KIAA1549: variants seen among roughly 807,000 people sequenced by gnomAD.
The protein encoded by KIAA1549 is KIAA1549, also known as UPF0606 protein KIAA1549.
A neutral mutation model predicts 156.4 loss-of-function variants in KIAA1549; 70 were observed. That is an observed-to-expected ratio of 0.45 (90% CI 0.37 to 0.55). The LOEUF is 0.55. Ranked by LOEUF, KIAA1549 falls within the 20% of genes least tolerant of loss-of-function variation. The pLI, the probability that KIAA1549 is intolerant of heterozygous loss-of-function variation, is 0.00. For synonymous variants in KIAA1549, 1,103 were observed against 1,066.4 expected, an observed-to-expected ratio of 1.03 and a Z score of -0.67; for missense variants, 2,428 against 2,540.9, an observed-to-expected ratio of 0.96 and a Z score of 0.96.
chr7:138,885,065 C>T (rs763821836), intron 10 of KIAA1549, among the ~76,000 whole-genome samples: 4 of 152,042 alleles, frequency 2.6e-5, no homozygotes, highest in Non-Finnish European at 5.9e-5. Flanking sequence ...CGTGGTGGCA[C>T]GTGCCTGTAA....
intron 1 of KIAA1549, among the ~76,000 whole-genome samples, chr7:138,959,744 T>C (rs1255707519): frequency 6.6e-6 from 1 of 152,238 alleles, no homozygotes; most frequent in Non-Finnish European, 1.5e-5. Flanking sequence ...GAGGTGTAAC[T>C]TGATACATTC....
chr7:138,956,684 T>C (rs1324843286), intron 1 of KIAA1549, among the ~76,000 whole-genome samples: 3 of 152,188 alleles, frequency 2.0e-5, no homozygotes, highest in African/African-American at 4.8e-5. Context: ...GTGAGTCCAT[T>C]AAACCTCTTT....
Position 138,869,759 on chromosome 7 carries a change from A to T in KIAA1549, c.4554T>A (p.Ile1518=), listed in dbSNP as rs368931433. 1 of 1,607,966 alleles carries T rather than the reference A, an allele frequency of 6.2e-7. No homozygotes were observed. Among genetic ancestry groups the T allele is most frequent in the Non-Finnish European group, 8.5e-7 (1 of 1,178,516 alleles). Reference sequence around the variant, plus strand: ...CAGACTTGTGCCGCAGCGCGGTCTGAATCTGAGGAAGGGTGAGGGAGAGAA... The same window carrying T: ...CAGACTTGTGCCGCAGCGCGGTCTGTATCTGAGGAAGGGTGAGGGAGAGAA... ...VAESNKINKE[I]QTALRHKSEI... The change falls in exon 14 of 20, where the codon ATT becomes ATA. Residue 1518 remains isoleucine (I), a splice_region_variant and synonymous_variant. Coordinates refer to ENST00000422774, the MANE Select transcript of KIAA1549 (RefSeq NM_001164665.2).
At chr7:138,966,405 C>A (rs1278766056) in intron 1 of KIAA1549, among the ~76,000 whole-genome samples, 1 of 151,626 alleles carries the variant, frequency 6.6e-6, no homozygotes, top group Non-Finnish European at 1.5e-5. Flanking sequence ...TATATATATA[C>A]ACACAGAGGA....
In KIAA1549 at chr7:138,921,939, G is replaced by A. The variant is rs77152683; in HGVS notation, c.188-2501C>T. On this transcript the variant is annotated intron_variant, in intron 1 of 19. Coordinates refer to ENST00000422774, the MANE Select transcript of KIAA1549 (RefSeq NM_001164665.2). Reference sequence around the variant, plus strand: ...CAGAAGGAGAACACCATGTGAAGATGAAGGCAGAGAGCATGATGATGCGTC... The same window carrying A: ...CAGAAGGAGAACACCATGTGAAGATAAAGGCAGAGAGCATGATGATGCGTC... Among the ~76,000 whole-genome samples the A allele has an allele frequency of 6.7e-3, 1,018 of 152,270 alleles. 18 individuals carry two copies. The highest frequency in any genetic ancestry group is 0.023 in the African/African-American group (969 of 41,548).
intron 1 of KIAA1549, among the ~76,000 whole-genome samples, chr7:138,978,157 A>C (rs1814435680): frequency 6.6e-6 from 1 of 152,240 alleles, no homozygotes; most frequent in African/African-American, 2.4e-5. Flanking sequence ...AATGGTAGTA[A>C]ATACAATTGT....
intron 1 of KIAA1549, among the ~76,000 whole-genome samples, chr7:138,969,791 C>T (rs570561121): frequency 2.0e-5 from 3 of 152,276 alleles, no homozygotes; most frequent in Admixed American, 1.3e-4. Flanking sequence ...CGGGGTTTCA[C>T]TGTGTTGGCC....
chr7:138,947,596 A>C (rs148844710), intron 1 of KIAA1549, among the ~76,000 whole-genome samples: 2 of 152,306 alleles, frequency 1.3e-5, no homozygotes, highest in Non-Finnish European at 2.9e-5. Context: ...ATACAATACC[A>C]AGTTTTAAAA....
intron 1 of KIAA1549, among the ~76,000 whole-genome samples, chr7:138,935,785 A>T (rs950991878): frequency 1.3e-5 from 2 of 152,230 alleles, no homozygotes; most frequent in Admixed American, 1.3e-4. Context: ...CAATGCCTTA[A>T]TTCGGCTCTA....
intron 17 of KIAA1549, among the ~76,000 whole-genome samples, chr7:138,850,699 G>A (rs1810209962): frequency 6.6e-6 from 1 of 152,154 alleles, no homozygotes; most frequent in Non-Finnish European, 1.5e-5. Context: ...AAGCTCTGAA[G>A]TTTAATTAGA....
At chr7:138,842,671 C>T (rs1206822200) in intron 18 of KIAA1549, among the ~76,000 whole-genome samples, 2 of 143,508 alleles carry the variant, frequency 1.4e-5, no homozygotes, top group Non-Finnish European at 3.0e-5. Context: ...CCAGCCTGGG[C>T]GACAGAACAA....
intron 16 of KIAA1549, among the ~76,000 whole-genome samples, chr7:138,859,890 CCTT>C (rs1489392308): frequency 5.3e-5 from 8 of 152,306 alleles, no homozygotes; most frequent in African/African-American, 1.9e-4. Context: ...CCAGGAACAT[CCTT>C]CTTCAACTGA....
At chr7:138,843,195 A>C (rs1339680291) in intron 18 of KIAA1549, among the ~76,000 whole-genome samples, 1 of 152,220 alleles carries the variant, frequency 6.6e-6, no homozygotes, top group Non-Finnish European at 1.5e-5. Flanking sequence ...GTAAGTACGA[A>C]TATTCCCAGT....
intron 1 of KIAA1549, among the ~76,000 whole-genome samples, chr7:138,963,674 CA>C (rs1813923950): frequency 6.6e-6 from 1 of 152,112 alleles, no homozygotes; most frequent in Non-Finnish European, 1.5e-5. Context: ...CCGGCTGTAC[CA>C]GTTAGTTTTT....
chr7:138,938,829 C>T (rs897434782), intron 1 of KIAA1549, among the ~76,000 whole-genome samples: 1 of 152,170 alleles, frequency 6.6e-6, no homozygotes, highest in African/African-American at 2.4e-5. Context: ...GGGTGCATTA[C>T]CTGAGGACAA....
At chr7:138,938,527 A>G (rs1202009244) in intron 1 of KIAA1549, among the ~76,000 whole-genome samples, 7 of 152,154 alleles carry the variant, frequency 4.6e-5, no homozygotes, top group Non-Finnish European at 1.0e-4. Context: ...TATAATTATA[A>G]CTTATCTCGG....
intron 10 of KIAA1549, among the ~76,000 whole-genome samples, chr7:138,886,970 C>T (rs535463885): frequency 1.3e-5 from 2 of 151,974 alleles, no homozygotes; most frequent in South Asian, 2.1e-4. Flanking sequence ...GGTATGATGT[C>T]GGCTTACTGC....
chr7:138,897,943 G>A (rs974281885), intron 9 of KIAA1549, among the ~76,000 whole-genome samples: 3 of 131,274 alleles, frequency 2.3e-5, no homozygotes, highest in East Asian at 2.3e-4. Context: ...GATTCACACC[G>A]TAAAGGACTA....
intron 1 of KIAA1549, among the ~76,000 whole-genome samples, chr7:138,941,874 A>G (rs1225226623): frequency 1.3e-5 from 2 of 152,228 alleles, no homozygotes; most frequent in Non-Finnish European, 2.9e-5. Flanking sequence ...AAACTCTTCC[A>G]AAGAGGAAAT....
Sources: allele counts gnomAD v4.1 joint callset (sites outside exome capture counted in the v4.1 genomes callset), GRCh38; gene constraint gnomAD v4.1.1; transcripts MANE v1.5; gene names NCBI Gene and HGNC (gene_info 2026-07-23, HGNC 2026-07-21).